Variants in CDC42BPA observed in about 807,000 individuals in gnomAD.
CDC42BPA encodes the protein CDC42 binding protein kinase alpha.
A neutral mutation model predicts 223.5 loss-of-function variants in CDC42BPA; 80 were observed. The ratio of observed to expected loss-of-function variants is 0.36; its 90% CI spans 0.30 to 0.43. The LOEUF (loss-of-function observed/expected upper bound fraction) is 0.43. Ranked by LOEUF, CDC42BPA falls within the 20% of genes least tolerant of loss-of-function variation. The probability of loss-of-function intolerance (pLI) is 1.00; values close to 1 mark genes in which losing one functional copy is unlikely to be tolerated. For synonymous variants in CDC42BPA, 694 were observed against 718.6 expected (o/e 0.97, Z 0.55); for missense variants, 1,743 against 2,099.9 (o/e 0.83, Z 3.32).
At chr1:227,289,836 A>G (rs7540155) in intron 1 of CDC42BPA, among the ~76,000 whole-genome samples, 123,863 of 149,078 alleles carry the variant, frequency 0.83, 51,546 homozygotes, top group South Asian at 0.88. Flanking sequence ...GAAGACTACT[A>G]GGGCTAGGAG....
At chr1:227,115,965 A>C (rs141311259) in intron 12 of CDC42BPA, among the ~76,000 whole-genome samples, 3 of 152,218 alleles carry the variant, frequency 2.0e-5, no homozygotes, top group Non-Finnish European at 4.4e-5. Context: ...TAAAGTAGAT[A>C]TGCATGAAGT....
chr1:227,060,721 T>G (rs1043994697), intron 21 of CDC42BPA, among the ~76,000 whole-genome samples: 4 of 130,282 alleles, frequency 3.1e-5, no homozygotes, highest in African/African-American at 1.3e-4. Flanking sequence ...TAGGTACTTT[T>G]TTTTTTTTTT....
chr1:227,235,146 T>C (rs1444665154), intron 2 of CDC42BPA: 1 of 152,192 alleles, frequency 6.6e-6, no homozygotes, highest in Admixed American at 6.5e-5. Context: ...GGGTCCAACA[T>C]GACACCAAAG....
chr1:227,017,141 A>T, intron 32 of CDC42BPA, 91 bp from the exon 33 acceptor site: 1 of 1,168,880 alleles, frequency 8.6e-7, no homozygotes, highest in Non-Finnish European at 1.2e-6. Flanking sequence ...ACAAACATTG[A>T]TAGTACAAGT....
chr1:227,247,811 G>A (rs936904064), intron 2 of CDC42BPA, among the ~76,000 whole-genome samples: 1 of 151,602 alleles, frequency 6.6e-6, no homozygotes, highest in East Asian at 1.9e-4. Flanking sequence ...GAACCTGTGA[G>A]ATGGAGGCTG....
At chr1:227,247,494 T>C (rs1389019318) in intron 2 of CDC42BPA, among the ~76,000 whole-genome samples, 2 of 147,796 alleles carry the variant, frequency 1.4e-5, no homozygotes, top group African/African-American at 2.5e-5. Context: ...CAGTCCATCT[T>C]AAAAAACAAT....
chr1:227,133,815 C>T (rs1657893662), intron 10 of CDC42BPA, among the ~76,000 whole-genome samples: 1 of 151,994 alleles, frequency 6.6e-6, no homozygotes, highest in Non-Finnish European at 1.5e-5. Flanking sequence ...TACCCAGGGA[C>T]ACAAACACTG....
chr1:227,127,468 T>C (rs1024544575), intron 11 of CDC42BPA, among the ~76,000 whole-genome samples: 1 of 152,208 alleles, frequency 6.6e-6, no homozygotes, highest in Non-Finnish European at 1.5e-5. Flanking sequence ...CATTCTACTA[T>C]TAAAAAGAGG....
At position 227,074,280 on chromosome 1, in the gene CDC42BPA, G is replaced by C; in HGVS notation, c.2565C>G (p.Ser855=). Residue 855 remains serine (S), a synonymous_variant, in exon 18 of 37, where the codon TCC becomes TCG. Coordinates refer to ENST00000366766, the MANE Select transcript of CDC42BPA (RefSeq NM_001394014.1). ...MTEELEALRN[S]SLGTRATDMP... ...TTACTGTTGCTCGTGTACCCAAGCTGGAATTTCTTAATGCCTCCAATTCTT... is the reference window on the plus strand; with the variant it reads ...TTACTGTTGCTCGTGTACCCAAGCTCGAATTTCTTAATGCCTCCAATTCTT... The C allele has an allele frequency of 6.2e-7, 1 of 1,613,238 alleles. No individual in the cohort carries two copies. Among genetic ancestry groups the C allele is most frequent in the East Asian group, 2.2e-5 (1 of 44,826 alleles).
intron 3 of CDC42BPA, among the ~76,000 whole-genome samples, chr1:227,206,476 A>G (rs987625238): frequency 6.6e-6 from 1 of 152,184 alleles, no homozygotes; most frequent in Non-Finnish European, 1.5e-5. Flanking sequence ...AATAAGGTAA[A>G]TAAGTTGTAC....
chr1:227,190,687 G>GT (rs1374854012), intron 5 of CDC42BPA, among the ~76,000 whole-genome samples: 4 of 152,190 alleles, frequency 2.6e-5, no homozygotes, highest in African/African-American at 9.6e-5. Flanking sequence ...ATTCCACATA[G>GT]TTTAGCACAA....
chr1:227,149,269 G>A (rs561755143), intron 6 of CDC42BPA, among the ~76,000 whole-genome samples: 1 of 152,206 alleles, frequency 6.6e-6, no homozygotes, highest in African/African-American at 2.4e-5. Context: ...AATGCACACC[G>A]CTTCTGTGGT....
chr1:227,172,281 T>C (rs1666229662), intron 5 of CDC42BPA, among the ~76,000 whole-genome samples: 1 of 152,188 alleles, frequency 6.6e-6, no homozygotes, highest in Non-Finnish European at 1.5e-5. Flanking sequence ...AGTAAACTTT[T>C]CTCAAACTAA....
intron 2 of CDC42BPA, among the ~76,000 whole-genome samples, chr1:227,226,607 C>A (rs902234661): frequency 1.3e-5 from 2 of 152,144 alleles, no homozygotes; most frequent in African/African-American, 4.8e-5. Context: ...AGAACCTCAG[C>A]TGCGAAGACC....
intron 5 of CDC42BPA, among the ~76,000 whole-genome samples, chr1:227,166,478 G>A (rs370360457): frequency 2.0e-5 from 3 of 152,260 alleles, no homozygotes; most frequent in African/African-American, 2.4e-5. Context: ...AAAGTAAGGC[G>A]TAAAACTTAC....
At chr1:227,016,033 T>TC in intron 34 of CDC42BPA, 47 bp downstream of exon 34, 16 of 937,634 alleles carry the variant, frequency 1.7e-5, no homozygotes, top group Non-Finnish European at 2.8e-5. Flanking sequence ...GTATTTATAC[T>TC]CCCCCCACAC....
intron 21 of CDC42BPA, among the ~76,000 whole-genome samples, chr1:227,060,035 T>G (rs1037802713): frequency 2.8e-5 from 4 of 142,724 alleles, no homozygotes; most frequent in African/African-American, 2.6e-5. Flanking sequence ...TTTTTGTTTT[T>G]TTTTTTTTTT....
intron 35 of CDC42BPA, chr1:227,004,258 AT>A (rs1299743374): frequency 6.6e-6 from 1 of 152,148 alleles, no homozygotes; most frequent in Non-Finnish European, 1.5e-5. Context: ...CTCTGAAAAT[AT>A]ATCTGGAGAA....
chr1:227,040,001 T>G, intron 24 of CDC42BPA, 130 bp downstream of exon 24: 1 of 677,022 alleles, frequency 1.5e-6, no homozygotes, highest in East Asian at 2.7e-5. Flanking sequence ...CACAGATTAT[T>G]TCCATTCCTG....
Sources: allele counts gnomAD v4.1 joint callset (sites outside exome capture counted in the v4.1 genomes callset), GRCh38; gene constraint gnomAD v4.1.1; transcripts MANE v1.5; gene names NCBI Gene and HGNC (gene_info 2026-07-23, HGNC 2026-07-21).